The following HMCN1 variants were observed in gnomAD, a reference collection of about 807,000 sequenced individuals.
The protein encoded by HMCN1 is hemicentin-1.
Under a neutral mutation model 625.9 loss-of-function variants are expected in HMCN1, and 321 were observed. That is an observed-to-expected ratio of 0.51 (90% CI 0.47 to 0.56). The LOEUF (loss-of-function observed/expected upper bound fraction) is 0.56, where lower values mean the gene tolerates loss of function less well. HMCN1 is among the 20% of genes least tolerant of loss of function. The pLI is 0.00. For synonymous variants in HMCN1, 2,425 were observed against 2,417.6 expected (o/e 1.00, Z -0.09); for missense variants, 6,588 against 6,887.3 (o/e 0.96, Z 1.54).
intron 1 of HMCN1, among the ~76,000 whole-genome samples, chr1:185,838,859 T>G (rs1661322405): frequency 6.6e-6 from 1 of 152,228 alleles, no homozygotes; most frequent in African/African-American, 2.4e-5. Flanking sequence ...CTGCTAAGTA[T>G]GTATACTGCC....
chr1:186,042,823 G>A (rs7541013), intron 40 of HMCN1, among the ~76,000 whole-genome samples: 92,568 of 151,860 alleles, frequency 0.61, 29,159 homozygotes, highest in African/African-American at 0.78. Context: ...GGTGATGTGT[G>A]TCTAATTAGA....
chr1:186,028,717 TAAAGCATA>T (rs1655219231), intron 36 of HMCN1, among the ~76,000 whole-genome samples: 1 of 141,892 alleles, frequency 7.0e-6, no homozygotes, highest in Non-Finnish European at 1.5e-5. Context: ...TTGACATTTC[TAAAGCATA>T]TTTTTTTTTT....
rs4007590 is a variant in HMCN1, at chr1:185,762,059, C to T, written c.268+27012C>T. On this transcript the variant is annotated intron_variant, in intron 1 of 106. Transcript: ENST00000271588. ...CCAGTTCAGGAAGAAAAAGAATTTCCGTGTAGGATACTTTGTGCAATTTGC... is the reference window on the plus strand; with the variant it reads ...CCAGTTCAGGAAGAAAAAGAATTTCTGTGTAGGATACTTTGTGCAATTTGC... Among the ~76,000 whole-genome samples the T allele has an allele frequency of 1.5e-3, 235 of 152,142 alleles. 2 individuals carry two copies. Among genetic ancestry groups the T allele is most frequent in the African/African-American group, 5.3e-3 (220 of 41,502 alleles).
chr1:185,762,355 G>T (rs1228096604), intron 1 of HMCN1, among the ~76,000 whole-genome samples: 5 of 152,174 alleles, frequency 3.3e-5, no homozygotes, highest in Admixed American at 3.3e-4. Context: ...ATGCCTTAGT[G>T]TGTATTTGAG....
chr1:186,188,560 C>T (rs1188514089), intron 106 of HMCN1, among the ~76,000 whole-genome samples: 4 of 152,188 alleles, frequency 2.6e-5, no homozygotes, highest in African/African-American at 9.6e-5. Flanking sequence ...TCTCTCTCCC[C>T]TTCCAGAAAT....
intron 10 of HMCN1, 98 bp downstream of exon 10, chr1:185,928,765 C>T (rs913451990): frequency 3.9e-5 from 51 of 1,316,828 alleles, no homozygotes; most frequent in Admixed American, 2.4e-4. Context: ...ATTGTCTTTG[C>T]GATTATTTTA....
Position 186,057,404 on chromosome 1 carries a change from A to G in HMCN1, c.7312+3A>G. 6.3e-7 allele frequency: 1 copy of G among 1,596,978 alleles called. No individual in the cohort carries two copies. Among genetic ancestry groups the G allele is most frequent in the Non-Finnish European group, 8.6e-7 (1 of 1,164,852 alleles). On this transcript the variant is annotated splice_donor_region_variant and intron_variant, in intron 46 of 106. Transcript: ENST00000271588. ...CAATTCTGTGAGGATTCTTTCAGGT[A>G]TTAGAAATTCTGGTAGCCTTATAAT...
chr1:186,067,337 G>A (rs1658189951), intron 49 of HMCN1, among the ~76,000 whole-genome samples: 1 of 152,024 alleles, frequency 6.6e-6, no homozygotes. Context: ...ATCCACTTGA[G>A]TTCATCCTCC....
intron 2 of HMCN1, among the ~76,000 whole-genome samples, chr1:185,847,026 T>C (rs1661864130): frequency 6.6e-6 from 1 of 152,136 alleles, no homozygotes; most frequent in Non-Finnish European, 1.5e-5. Context: ...CTTTTTACAC[T>C]ACAACCACTC....
At chr1:185,873,098 G>A (rs1663722941) in intron 4 of HMCN1, among the ~76,000 whole-genome samples, 1 of 151,956 alleles carries the variant, frequency 6.6e-6, no homozygotes, top group African/African-American at 2.4e-5. Flanking sequence ...CTTTCAACAG[G>A]ACCAAATGAA....
chr1:186,098,274 A>C (rs2102430521), intron 68 of HMCN1, among the ~76,000 whole-genome samples: 1 of 152,296 alleles, frequency 6.6e-6, no homozygotes, highest in East Asian at 1.9e-4. Flanking sequence ...CAACCTACAG[A>C]ATGGGAGAAA....
chr1:185,806,546 CAA>C (rs34411405), intron 1 of HMCN1, among the ~76,000 whole-genome samples: 11,446 of 103,494 alleles, frequency 0.11, 909 homozygotes, highest in African/African-American at 0.25. Context: ...GACCCTGTCT[CAA>C]AAAAAAAAAA....
intron 6 of HMCN1, among the ~76,000 whole-genome samples, chr1:185,920,122 T>C (rs1024388866): frequency 6.6e-6 from 1 of 152,242 alleles, no homozygotes; most frequent in Non-Finnish European, 1.5e-5. Context: ...ACTGTTCAAG[T>C]ATTAGAATTC....
chr1:186,096,701 T>A (rs1660154557), intron 68 of HMCN1, among the ~76,000 whole-genome samples: 1 of 152,134 alleles, frequency 6.6e-6, no homozygotes, highest in South Asian at 2.1e-4. Context: ...TTCACTCTGA[T>A]CAAGTGGGTT....
At chr1:185,875,125 AT>A (rs2102377984) in intron 4 of HMCN1, among the ~76,000 whole-genome samples, 1 of 151,998 alleles carries the variant, frequency 6.6e-6, no homozygotes, top group East Asian at 1.9e-4. Flanking sequence ...ATGTATGCAT[AT>A]TTCTAGACAA....
intron 83 of HMCN1, among the ~76,000 whole-genome samples, chr1:186,129,593 A>T (rs1661820762): frequency 6.6e-6 from 1 of 152,120 alleles, no homozygotes; most frequent in Admixed American, 6.6e-5. Flanking sequence ...TTGGGAGGAA[A>T]AGTGGTAATG....
chr1:185,924,313 C>T (rs919258535), intron 8 of HMCN1, among the ~76,000 whole-genome samples: 14 of 144,752 alleles, frequency 9.7e-5, no homozygotes, highest in Admixed American at 8.8e-4. Flanking sequence ...TCACTGCAAG[C>T]CCCGCCTCCC....
chr1:186,117,515 G>A lies in HMCN1; in HGVS notation c.11740G>A (p.Ala3914Thr), dbSNP rs2102481317. 6.2e-7 allele frequency: 1 copy of A among 1,613,836 alleles called. No individual in the cohort carries two copies. Among genetic ancestry groups the A allele is most frequent in the Non-Finnish European group, 8.5e-7 (1 of 1,179,836 alleles). Residue 3914 changes from alanine to threonine, a missense_variant, in exon 77 of 107, where the codon GCA becomes ACA. This residue lies in a region of HMCN1 where 4,628 missense variants were observed against 4,853.1 expected (regional missense o/e 0.95). Transcript: ENST00000271588. ...TTTCCTAGTAACCAAACATGCCCCA[G>A]CAGTAATTACCTGCACTGCTTCGGG... ...TDFLVTKHAPAVITCTASGVP... is the reference protein window; with the variant it reads ...TDFLVTKHAPTVITCTASGVP...
At chr1:185,788,698 G>A (rs375911094) in intron 1 of HMCN1, among the ~76,000 whole-genome samples, 2 of 152,178 alleles carry the variant, frequency 1.3e-5, no homozygotes, top group Non-Finnish European at 2.9e-5. Context: ...GTACCTTGGT[G>A]TGTCCACGTG....
Sources: allele counts gnomAD v4.1 joint callset (sites outside exome capture counted in the v4.1 genomes callset), GRCh38; gene constraint gnomAD v4.1.1; regional missense constraint gnomAD v4.1.1; transcripts MANE v1.5; gene names NCBI Gene and HGNC (gene_info 2026-07-23, HGNC 2026-07-21).